PCDHGA12: variants seen among roughly 807,000 people sequenced by gnomAD.
The protein encoded by PCDHGA12 is protocadherin gamma-A12.
Under a neutral mutation model 61.1 loss-of-function variants are expected in PCDHGA12, and 43 were observed. That is an observed-to-expected ratio of 0.70 (90% confidence interval 0.55 to 0.91). The LOEUF is 0.91. PCDHGA12 is among the 40% of genes least tolerant of loss of function. The pLI, the probability that PCDHGA12 is intolerant of heterozygous loss-of-function variation, is 0.00. For synonymous variants in PCDHGA12, 520 were observed against 542.9 expected (o/e 0.96, Z 0.59); for missense variants, 1,236 against 1,227.7 (o/e 1.01, Z -0.10).
chr5:141,491,293 C>T lies in PCDHGA12; in HGVS notation c.2425-3514C>T. On this transcript the variant is annotated intron_variant, in intron 1 of 3. Transcript: ENST00000252085. This position sits in a 1 kb window ranked among gnomAD's most constrained non-coding sequence, Gnocchi z 6.9. Reference sequence around the variant, plus strand: ...ATCCAGTGACTTCCTCATACACCCTCCTGAGCGTTCAGACCTTACCCTTTA... The same window carrying T: ...ATCCAGTGACTTCCTCATACACCCTTCTGAGCGTTCAGACCTTACCCTTTA... 6.2e-7 allele frequency: 1 copy of T among 1,614,166 alleles called. No homozygotes were observed. The highest frequency in any genetic ancestry group is 1.3e-5 in the African/African-American group (1 of 75,058).
intron 1 of PCDHGA12, chr5:141,478,786 C>T: frequency 6.8e-7 from 1 of 1,480,998 alleles, no homozygotes; most frequent in Non-Finnish European, 9.0e-7. Context: ...ACCTAATTCA[C>T]ATCCTCAGCA....
At chr5:141,497,849 T>G (rs1337258582) in intron 2 of PCDHGA12, among the ~76,000 whole-genome samples, 1 of 152,192 alleles carries the variant, frequency 6.6e-6, no homozygotes, top group African/African-American at 2.4e-5. Flanking sequence ...ACAAACATTT[T>G]TGATTCAGCG....
chr5:141,491,071 C>A lies in PCDHGA12; in HGVS notation c.2425-3736C>A, dbSNP rs987564933. ...TGCGTGGCTCTCCTACTCACTGTTG[C>A]CACAGTCCACAGCCCCAGGACTGTT... On this transcript the variant is annotated intron_variant, in intron 1 of 3. Transcript: ENST00000252085. This position sits in a 1 kb window ranked among gnomAD's most constrained non-coding sequence, Gnocchi z 6.9. 2 of 1,614,034 alleles carry A rather than the reference C, an allele frequency of 1.2e-6. No individual in the cohort carries two copies. The highest frequency in any genetic ancestry group is 1.7e-6 in the Non-Finnish European group (2 of 1,180,036).
At position 141,511,622 on chromosome 5, in the gene PCDHGA12, A is replaced by G; in HGVS notation, c.*449A>G. 4.3e-6 allele frequency: 1 copy of G among 232,852 alleles called. No individual in the cohort carries two copies. The highest frequency in any genetic ancestry group is 8.7e-6 in the Non-Finnish European group (1 of 114,994). The allele number at this position is 232,852 out of a possible 1,614,324, so 14.4% of individuals were successfully genotyped here. A position where few individuals can be genotyped will look rare whatever the true frequency, so the allele number is the denominator to read the frequency against. On this transcript the variant is annotated 3_prime_UTR_variant, in exon 4 of 4. Transcript: ENST00000252085. ...AACCTACAAGCCTCCTAGTTCTGAA[A>G]AGTTGGAAGGGCATCATGACCTCTT...
chr5:141,503,221 C>A (rs528636727), intron 2 of PCDHGA12, among the ~76,000 whole-genome samples: 2 of 151,956 alleles, frequency 1.3e-5, no homozygotes, highest in Non-Finnish European at 2.9e-5. Context: ...CCATGAGCAC[C>A]GTAAAGATGG....
In PCDHGA12 at chr5:141,491,731, C is replaced by T. The variant is rs1198438920; in HGVS notation, c.2425-3076C>T. ...GGGCTCGGCGCCGCCCCGGGCGACC[C>T]CTGGGGGCGGCACTGGAGAAGCCGC... On this transcript the variant is annotated intron_variant, in intron 1 of 3. Coordinates refer to ENST00000252085, the MANE Select transcript of PCDHGA12 (RefSeq NM_003735.3). The surrounding 1 kb of genome is among the most constrained non-coding windows in gnomAD (Gnocchi z 6.9). 1 of 1,603,678 alleles carries T rather than the reference C, an allele frequency of 6.2e-7. No homozygotes were observed. Among genetic ancestry groups the T allele is most frequent in the Non-Finnish European group, 8.5e-7 (1 of 1,175,748 alleles).
At chr5:141,500,185 TTTA>T (rs549090582) in intron 2 of PCDHGA12, among the ~76,000 whole-genome samples, 1 of 55,104 alleles carries the variant, frequency 1.8e-5, no homozygotes, top group Non-Finnish European at 3.2e-5. Flanking sequence ...CATTTTTATT[TTTA>T]TTTATTTATT....
At chr5:141,433,235 C>T (rs1307904588) in intron 1 of PCDHGA12, 52 bp downstream of exon 1, 13 of 1,509,616 alleles carry the variant, frequency 8.6e-6, no homozygotes, top group Non-Finnish European at 1.1e-5. Context: ...GCTCTGTCTC[C>T]CAAGCTGGAA....
Position 141,489,381 on chromosome 5 carries a change from T to C in PCDHGA12, c.2425-5426T>C. 3 of 1,613,894 alleles carry C rather than the reference T, an allele frequency of 1.9e-6. No individual in the cohort carries two copies. The highest frequency in any genetic ancestry group is 2.5e-6 in the Non-Finnish European group (3 of 1,179,802). On this transcript the variant is annotated intron_variant, in intron 1 of 3. Coordinates refer to ENST00000252085, the MANE Select transcript of PCDHGA12 (RefSeq NM_003735.3). The surrounding 1 kb of genome is among the most constrained non-coding windows in gnomAD (Gnocchi z 4.5). ...CTGAGCCGGGGACGCTGGTGGGGAA[T>C]GTTGCTCAGGATCTGGGCTTAAAGA...
chr5:141,431,901 A>G lies in PCDHGA12; in HGVS notation c.1142A>G (p.Gln381Arg), dbSNP rs1373642371. 5.0e-6 allele frequency: 8 copies of G among 1,613,872 alleles called. No homozygotes were observed. The highest frequency in any genetic ancestry group is 1.6e-4 in the Middle Eastern group (1 of 6,062). Residue 381 changes from glutamine (Q) to arginine (R), a missense_variant, in exon 1 of 4, where the codon CAG becomes CGG. Physicochemically the swap from Gln to Arg is conservative, Grantham distance 43. Coordinates refer to ENST00000252085, the MANE Select transcript of PCDHGA12 (RefSeq NM_003735.3). This position sits in a 1 kb window ranked among gnomAD's most constrained non-coding sequence, Gnocchi z 4.8. ...VNDQDSEENG[Q>R]VICFIQGNLP... Reference sequence around the variant, plus strand: ...GACCAAGATTCTGAGGAAAACGGACAGGTGATCTGTTTCATCCAAGGAAAT... The same window carrying G: ...GACCAAGATTCTGAGGAAAACGGACGGGTGATCTGTTTCATCCAAGGAAAT...
At chr5:141,472,980 C>CAAAAAAAAAAAAAAAAGAAAA (rs2099308501) in intron 1 of PCDHGA12, among the ~76,000 whole-genome samples, 1 of 86,106 alleles carries the variant, frequency 1.2e-5, no homozygotes, top group Non-Finnish European at 2.5e-5. Context: ...GAGTGAAACT[C>CAAAAAAAAAAAAAAAAGAAAA]AAAAAAAAAA....
Position 141,475,863 on chromosome 5 carries a change from C to G in PCDHGA12, c.2425-18944C>G, listed in dbSNP as rs1037784260. On this transcript the variant is annotated intron_variant, in intron 1 of 3. Transcript: ENST00000252085. ...TCAGAGAGCCCGGCGCTAGCTCATT[C>G]TTCGTGCAGTTATTGGCTGGGACTC... is the stretch of plus-strand genomic sequence containing the variant. 1.4e-5 allele frequency: 7 copies of G among 499,790 alleles called. 1 individual carries two copies. The highest frequency in any genetic ancestry group is 1.4e-4 in the African/African-American group (7 of 51,600). The allele number at this position is 499,790 out of a possible 1,614,324, so 31.0% of individuals were successfully genotyped here. A position where few individuals can be genotyped will look rare whatever the true frequency, so the allele number is the denominator to read the frequency against.
Position 141,485,741 on chromosome 5 carries a change from C to A in PCDHGA12, c.2425-9066C>A. 6.2e-7 allele frequency: 1 copy of A among 1,614,180 alleles called. No homozygotes were observed. Among genetic ancestry groups the A allele is most frequent in the Non-Finnish European group, 8.5e-7 (1 of 1,179,992 alleles). On this transcript the variant is annotated intron_variant, in intron 1 of 3. Coordinates refer to ENST00000252085, the MANE Select transcript of PCDHGA12 (RefSeq NM_003735.3). This position sits in a 1 kb window ranked among gnomAD's most constrained non-coding sequence, Gnocchi z 5.7. ...TGTGAAGAAGCGCAGCGACGGCAGC[C>A]TGGTCCCAGAGCTGCTCCTGGAGAA...
intron 1 of PCDHGA12, among the ~76,000 whole-genome samples, chr5:141,488,463 C>T (rs926068842): frequency 6.6e-6 from 1 of 152,164 alleles, no homozygotes; most frequent in African/African-American, 2.4e-5. Flanking sequence ...GATTCAGCCC[C>T]AGAAATGTTC....
In PCDHGA12 at chr5:141,431,048, A is replaced by G; in HGVS notation, c.289A>G (p.Met97Val). The G allele has an allele frequency of 6.2e-7, 1 of 1,614,180 alleles. No homozygotes were observed. Among genetic ancestry groups the G allele is most frequent in the Non-Finnish European group, 8.5e-7 (1 of 1,180,018 alleles). ...AGRIDREELC[M>V]GAIKCQLNLD... The stretch of plus-strand genomic sequence containing the variant: ...CAGGATAGACCGGGAGGAGCTCTGT[A>G]TGGGGGCCATCAAGTGTCAATTAAA... The change falls in exon 1 of 4, where the codon ATG becomes GTG. Residue 97 changes from methionine (M) to valine (V), a missense_variant. By Grantham distance (21) the Met-to-Val change is conservative. Coordinates refer to ENST00000252085, the MANE Select transcript of PCDHGA12 (RefSeq NM_003735.3). This position sits in a 1 kb window ranked among gnomAD's most constrained non-coding sequence, Gnocchi z 4.8.
intron 1 of PCDHGA12, among the ~76,000 whole-genome samples, chr5:141,488,289 TAAGTGAA>T (rs1389982829): frequency 6.6e-6 from 1 of 152,186 alleles, no homozygotes; most frequent in Non-Finnish European, 1.5e-5. Context: ...GAAAAAACAG[TAAGTGAA>T]ATCACTTATG....
Position 141,432,530 on chromosome 5 carries a change from G to C in PCDHGA12, c.1771G>C (p.Val591Leu). Residue 591 changes from valine to leucine, a missense_variant, in exon 1 of 4, where the codon GTG (valine) becomes CTG (leucine). Physicochemically the swap from Val to Leu is conservative, Grantham distance 32. Transcript: ENST00000252085. This position sits in a 1 kb window ranked among gnomAD's most constrained non-coding sequence, Gnocchi z 6.0. ...AGAGCCCGGCTACCTGGTGACCAAG[G>C]TGGTGGCGGTGGACAGAGACTCCGG... ...SAEPGYLVTK[V>L]VAVDRDSGQN... 6.2e-7 allele frequency: 1 copy of C among 1,614,076 alleles called. No homozygotes were observed. Among genetic ancestry groups the C allele is most frequent in the South Asian group, 1.1e-5 (1 of 91,082 alleles).
intron 2 of PCDHGA12, among the ~76,000 whole-genome samples, chr5:141,495,912 CTT>C (rs1210428397): frequency 6.6e-6 from 1 of 152,140 alleles, no homozygotes; most frequent in Admixed American, 6.6e-5. Flanking sequence ...CTCTGTATAT[CTT>C]TCTTTGTCTC....
chr5:141,511,007 G>A lies in PCDHGA12; in HGVS notation c.2633G>A (p.Arg878His), dbSNP rs780918754. The change falls in exon 4 of 4, where the codon CGC becomes CAC. Residue 878 changes from arginine to histidine, a missense_variant. Physicochemically the swap from Arg to His is conservative, Grantham distance 29 (BLOSUM62 0). Transcript: ENST00000252085. ...GCCGGCACCATGGGATTGAGCGCCC[G>A]CTACGGACCCCAGTTCACCCTGCAG... is the stretch of plus-strand genomic sequence containing the variant. ...GGAGTMGLSA[R>H]YGPQFTLQHV... 1.9e-6 allele frequency: 3 copies of A among 1,614,158 alleles called. No individual in the cohort carries two copies. Among genetic ancestry groups the A allele is most frequent in the East Asian group, 4.5e-5 (2 of 44,890 alleles).
Sources: gnomAD v4.1 joint callset for allele counts (sites outside exome capture counted in the v4.1 genomes callset) on GRCh38, gnomAD v4.1.1 for gene constraint, Gnocchi (gnomAD v3.1) non-coding constraint, MANE v1.5 for transcripts, NCBI Gene and HGNC (gene_info 2026-07-23, HGNC 2026-07-21) for gene names.